Variants in CBX7 observed in about 807,000 individuals in gnomAD.
CBX7 encodes the protein chromobox 7, also known as chromobox protein homolog 7.
In CBX7, 14 loss-of-function variants were observed where a neutral mutation model predicts 31.4. The ratio of observed to expected loss-of-function variants is 0.45; its 90% confidence interval spans 0.29 to 0.70. The LOEUF is 0.70. Among genes scored for constraint, CBX7 ranks in the 30% least tolerant of loss-of-function variants. The probability of loss-of-function intolerance (pLI) is 0.11; values close to 1 mark genes in which losing one functional copy is unlikely to be tolerated. For missense variants in CBX7, 269 were observed against 351.9 expected (o/e 0.76, Z 1.89); for synonymous variants, 159 against 152.6 (o/e 1.04, Z -0.31).
chr22:39,132,276 C>A lies in CBX7; in HGVS notation c.*1615G>T, dbSNP rs1444723481. 1 of 152,240 alleles carries A rather than the reference C, an allele frequency of 6.6e-6. No individual in the cohort carries two copies. Among genetic ancestry groups the A allele is most frequent in the Non-Finnish European group, 1.5e-5 (1 of 68,068 alleles). 9.4% of individuals were successfully genotyped at this position (152,240 alleles called of 1,614,324 possible). On this transcript the variant is annotated 3_prime_UTR_variant, in exon 6 of 6. Coordinates refer to ENST00000216133, the MANE Select transcript of CBX7 (RefSeq NM_175709.5). ...ATCACCCTCTCCTTGCCTCAGTAGA[C>A]TCTGTGACTTCCTGAGGACACAGAG...
chr22:39,143,079 C>A (rs1046071017), intron 2 of CBX7, among the ~76,000 whole-genome samples: 1 of 152,070 alleles, frequency 6.6e-6, no homozygotes, highest in African/African-American at 2.4e-5. Flanking sequence ...CGTGGAGAAA[C>A]CCCATCTCTA....
In CBX7 at chr22:39,134,022, G is replaced by T. The variant is rs767832107; in HGVS notation, c.625C>A (p.Pro209Thr). The T allele has an allele frequency of 1.9e-6, 3 of 1,606,714 alleles. No individual in the cohort carries two copies. The highest frequency in any genetic ancestry group is 2.6e-6 in the Non-Finnish European group (3 of 1,175,278). ...EADADLAEGP[P>T]PWTPALPSSE... ...GAGGGGAGCGCAGGTGTCCAGGGAG[G>T]GGGCCCCTCGGCCAGGTCGGCATCT... The change falls in exon 6 of 6, where the codon CCT becomes ACT. Residue 209 changes from proline to threonine, a missense_variant. Pro to Thr is a conservative substitution (Grantham distance 38). Around this residue, in one of 2 missense-constraint regions of CBX7, gnomAD observed 222 missense variants for 240.4 expected, o/e 0.92. Coordinates refer to ENST00000216133, the MANE Select transcript of CBX7 (RefSeq NM_175709.5).
Position 39,131,378 on chromosome 22 carries a change from G to A in CBX7, c.*2513C>T, listed in dbSNP as rs1930032411. 1 of 152,900 alleles carries A rather than the reference G, an allele frequency of 6.5e-6. No homozygotes were observed. The highest frequency in any genetic ancestry group is 2.4e-5 in the African/African-American group (1 of 41,470). The allele number at this position is 152,900 out of a possible 1,614,324, so 9.5% of individuals were successfully genotyped here. A position where few individuals can be genotyped will look rare whatever the true frequency, so the allele number is the denominator to read the frequency against. On this transcript the variant is annotated 3_prime_UTR_variant, in exon 6 of 6. Coordinates refer to ENST00000216133, the MANE Select transcript of CBX7 (RefSeq NM_175709.5). ...GGCCTTTTAAGAGGGCTGCGGGGGTGGAGGTCACTGTCTGCCTTGCTCTAC... is the reference window on the plus strand; with the variant it reads ...GGCCTTTTAAGAGGGCTGCGGGGGTAGAGGTCACTGTCTGCCTTGCTCTAC...
intron 3 of CBX7, among the ~76,000 whole-genome samples, chr22:39,138,973 G>A (rs1930352344): frequency 6.6e-6 from 1 of 152,190 alleles, no homozygotes. Flanking sequence ...GGTCCTTAAG[G>A]GGCTCCAGGG....
At chr22:39,143,528 G>C (rs1323149729) in intron 2 of CBX7, among the ~76,000 whole-genome samples, 2 of 152,178 alleles carry the variant, frequency 1.3e-5, no homozygotes, top group African/African-American at 4.8e-5. Context: ...TGTAGCCTAA[G>C]TGTTCAATGT....
In CBX7 at chr22:39,152,567, G is replaced by T; in HGVS notation, c.-123C>A. ...CCGTCACCCTCGTCCGGGCGCGCAC[G>T]CGCACGCGCACGCGCGCACACCCCC... On this transcript the variant is annotated 5_prime_UTR_variant, in exon 1 of 6. Transcript: ENST00000216133. This position sits in a 1 kb window ranked among gnomAD's most constrained non-coding sequence, Gnocchi z 4.9. The T allele has an allele frequency of 5.1e-6, 1 of 196,016 alleles. No individual in the cohort carries two copies. The highest frequency in any genetic ancestry group is 9.1e-6 in the Non-Finnish European group (1 of 109,760). The allele number at this position is 196,016 out of a possible 1,614,324, so 12.1% of individuals were successfully genotyped here. A position where few individuals can be genotyped will look rare whatever the true frequency, so the allele number is the denominator to read the frequency against.
Position 39,138,009 on chromosome 22 carries a change from G to A in CBX7, c.246+627C>T, listed in dbSNP as rs576245358. 4.6e-5 allele frequency among the ~76,000 whole-genome samples: 7 copies of A among 152,102 alleles called. No homozygotes were observed. In the East Asian group the frequency reaches 9.7e-4, roughly 21 times the overall value. On this transcript the variant is annotated intron_variant, in intron 4 of 5. Transcript: ENST00000216133. The stretch of plus-strand genomic sequence containing the variant: ...ATCCTGGCCAACACGGTGAAACCCC[G>A]TCTCTGCTAAAAATACAAAAATTTA...
In CBX7 at chr22:39,152,523, G is replaced by T; in HGVS notation, c.-79C>A. 1 of 611,510 alleles carries T rather than the reference G, an allele frequency of 1.6e-6. No homozygotes were observed. The highest frequency in any genetic ancestry group is 2.0e-6 in the Non-Finnish European group (1 of 489,330). 37.9% of individuals were successfully genotyped at this position (611,510 alleles called of 1,614,324 possible). A position where few individuals can be genotyped will look rare whatever the true frequency, so the allele number is the denominator to read the frequency against. ...CGGGGCCGCGGCTGCGGCGCGCGAT[G>T]CTGGGGCTGGCGGGGTCCCCGTCAC... On this transcript the variant is annotated 5_prime_UTR_variant, in exon 1 of 6. Coordinates refer to ENST00000216133, the MANE Select transcript of CBX7 (RefSeq NM_175709.5). The surrounding 1 kb of genome is among the most constrained non-coding windows in gnomAD (Gnocchi z 4.9).
chr22:39,149,817 G>C lies in CBX7; in HGVS notation c.85C>G (p.Leu29Val). 6.2e-7 allele frequency: 1 copy of C among 1,613,906 alleles called. No individual in the cohort carries two copies. Among genetic ancestry groups the C allele is most frequent in the Non-Finnish European group, 8.5e-7 (1 of 1,179,888 alleles). The change falls in exon 2 of 6, where the codon CTG becomes GTG. Residue 29 changes from leucine to valine, a missense_variant. Transcript: ENST00000216133. ...KRVRKGKVEY[L>V]VKWKGWPPKY... ...GGGGGCCATCCTTTCCACTTCACCA[G>C]ATACTCGACTTTACCCTGAGAAGAG...
rs555441105 is a variant in CBX7 at position 39,133,822 on chromosome 22, C to G, written c.*69G>C. On this transcript the variant is annotated 3_prime_UTR_variant, in exon 6 of 6. Transcript: ENST00000216133. Reference sequence around the variant, plus strand: ...TAAAATAATTACCCCGCCCCCAACCCATCCCTATCTCTGGAAGTCCCACCC... The same window carrying G: ...TAAAATAATTACCCCGCCCCCAACCGATCCCTATCTCTGGAAGTCCCACCC... The G allele has an allele frequency of 5.0e-6, 7 of 1,407,406 alleles. No homozygotes were observed. The highest frequency in any genetic ancestry group is 6.7e-6 in the Non-Finnish European group (7 of 1,044,760). The allele number at this position is 1,407,406 out of a possible 1,614,324, so 87.2% of individuals were successfully genotyped here.
chr22:39,135,064 A>C, intron 4 of CBX7: 3 of 352,290 alleles, frequency 8.5e-6, no homozygotes, highest in Non-Finnish European at 1.0e-5. Flanking sequence ...AAGAGAAACA[A>C]ATCTGGATGC....
At chr22:39,139,902 C>A (rs1350282696) in intron 3 of CBX7, among the ~76,000 whole-genome samples, 1 of 151,880 alleles carries the variant, frequency 6.6e-6, no homozygotes, top group Non-Finnish European at 1.5e-5. Flanking sequence ...TGCACTCCAG[C>A]CTGGGAGACA....
chr22:39,144,053 C>T (rs1423043211), intron 2 of CBX7, among the ~76,000 whole-genome samples: 4 of 152,246 alleles, frequency 2.6e-5, no homozygotes, highest in Non-Finnish European at 5.9e-5. Context: ...CAGAAAGAGC[C>T]TGGGAGAGCC....
chr22:39,145,716 C>CGGGGGGGCGGGG (rs1930631106), intron 2 of CBX7, among the ~76,000 whole-genome samples: 1 of 142,912 alleles, frequency 7.0e-6, no homozygotes, highest in African/African-American at 2.6e-5. Flanking sequence ...ACCGGCAAAC[C>CGGGGGGGCGGGG]GAGGGGGCGG....
intron 3 of CBX7, among the ~76,000 whole-genome samples, chr22:39,140,448 T>C (rs1230267792): frequency 6.6e-6 from 1 of 152,108 alleles, no homozygotes; most frequent in East Asian, 1.9e-4. Context: ...AACAATAAAA[T>C]TTGTCTTTTG....
chr22:39,134,347 T>C, intron 5 of CBX7, 54 bp downstream of exon 5: 3 of 1,416,726 alleles, frequency 2.1e-6, no homozygotes, highest in South Asian at 2.6e-5. Context: ...CTGGACCTTA[T>C]GACCCATAGG....
At position 39,134,007 on chromosome 22, in the gene CBX7, C is replaced by G. The variant is rs773134146; in HGVS notation, c.640G>C (p.Ala214Pro). 10 of 1,611,718 alleles carry G rather than the reference C, an allele frequency of 6.2e-6. No individual in the cohort carries two copies. Among genetic ancestry groups the G allele is most frequent in the Non-Finnish European group, 8.5e-6 (10 of 1,178,606 alleles). The change falls in exon 6 of 6, where the codon GCG (alanine) becomes CCG (proline). Residue 214 changes from alanine to proline, a missense_variant. Physicochemically the swap from Ala to Pro is conservative, Grantham distance 27. Coordinates refer to ENST00000216133, the MANE Select transcript of CBX7 (RefSeq NM_175709.5). The part of the protein sequence containing the change: ...LAEGPPPWTP[A>P]LPSSEVTVTD... ...ACGGTCACCTCACTTGAGGGGAGCGCAGGTGTCCAGGGAGGGGGCCCCTCG... is the reference window on the plus strand; with the variant it reads ...ACGGTCACCTCACTTGAGGGGAGCGGAGGTGTCCAGGGAGGGGGCCCCTCG...
chr22:39,138,857 A>G (rs1930348288), intron 3 of CBX7, among the ~76,000 whole-genome samples, 155 bp from the exon 4 acceptor site: 1 of 152,230 alleles, frequency 6.6e-6, no homozygotes, highest in African/African-American at 2.4e-5. Context: ...GGCTGGGGCC[A>G]TAACAACGGG....
In CBX7 at chr22:39,134,055, C is replaced by A; in HGVS notation, c.599-7G>T. ...TCGGCCAGGTCGGCATCTGCTGCAG[C>A]GTCAGACACACAGATGGGGGCAGCG... On this transcript the variant is annotated splice_region_variant and splice_polypyrimidine_tract_variant and intron_variant, in intron 5 of 5. Coordinates refer to ENST00000216133, the MANE Select transcript of CBX7 (RefSeq NM_175709.5). 6.3e-7 allele frequency: 1 copy of A among 1,587,736 alleles called. No homozygotes were observed. The highest frequency in any genetic ancestry group is 1.1e-5 in the South Asian group (1 of 89,656).
Sources: allele counts gnomAD v4.1 joint callset (sites outside exome capture counted in the v4.1 genomes callset), GRCh38; gene constraint gnomAD v4.1.1; regional missense constraint gnomAD v4.1.1; non-coding constraint Gnocchi (gnomAD v3.1); transcripts MANE v1.5; gene names NCBI Gene and HGNC (gene_info 2026-07-23, HGNC 2026-07-21).